Variants in ORMDL3 observed in about 807,000 individuals in gnomAD.
ORMDL3 encodes the protein ORMDL sphingolipid biosynthesis regulator 3.
A neutral mutation model predicts 12.6 loss-of-function variants in ORMDL3; 6 were observed. The observed-to-expected ratio is 0.48, with a 90% CI of 0.26 to 0.94. ORMDL3 has a LOEUF of 0.94. Ranked by LOEUF, ORMDL3 falls within the 40% of genes least tolerant of loss-of-function variation. The pLI is 0.14. For synonymous variants in ORMDL3, 99 were observed against 87.2 expected (o/e 1.14, Z -0.75); for missense variants, 159 against 205.5 (o/e 0.77, Z 1.38).
In ORMDL3 at chr17:39,924,179, C is replaced by A; in HGVS notation, c.25G>T (p.Glu9Ter). The A allele has an allele frequency of 6.2e-7, 1 of 1,609,716 alleles. No homozygotes were observed. The highest frequency in any genetic ancestry group is 8.5e-7 in the Non-Finnish European group (1 of 1,177,604). Reference sequence around the variant, plus strand: ...ATCACCCGCGTGTTGGGGTTCACCTCGCTGTGCGCTGTGCCCACATTCATC... The same window carrying A: ...ATCACCCGCGTGTTGGGGTTCACCTAGCTGTGCGCTGTGCCCACATTCATC... MNVGTAHS[E>*]VNPNTRVMNS... is the part of the protein sequence containing the mutation. Residue 9 changes from glutamate (E) to a stop codon, truncating the protein, a stop_gained, in exon 2 of 4, where the codon GAG becomes TAG. Transcript: ENST00000304046. LOFTEE classifies it high-confidence loss of function.
Position 39,924,126 on chromosome 17 carries a change from G to A in ORMDL3, c.78C>T (p.Tyr26=), listed in dbSNP as rs916219256. Reference sequence around the variant, plus strand: ...TGTGGAGGAGACCGATGGCCAGCACGTAGGAGAGCCAGATGCCACGGCTGT... The same window carrying A: ...TGTGGAGGAGACCGATGGCCAGCACATAGGAGAGCCAGATGCCACGGCTGT... ...VMNSRGIWLS[Y]VLAIGLLHIV... Residue 26 remains tyrosine (Y), a synonymous_variant, in exon 2 of 4, where the codon TAC becomes TAT. Transcript: ENST00000304046. The A allele has an allele frequency of 2.4e-5, 38 of 1,614,040 alleles. 1 individual carries two copies. In the Middle Eastern group the frequency reaches 4.9e-4, roughly 21 times the overall value.
chr17:39,923,071 T>C, intron 3 of ORMDL3, 41 bp downstream of exon 3: 1 of 1,612,280 alleles, frequency 6.2e-7, no homozygotes, highest in Non-Finnish European at 8.5e-7. Flanking sequence ...CTCCAGGCCT[T>C]GCCCTGCCTG....
intron 1 of ORMDL3, chr17:39,926,664 T>A (rs755077343): frequency 5.4e-5 from 30 of 556,566 alleles, no homozygotes; most frequent in Non-Finnish European, 6.2e-5. Context: ...TTCCCCCTCC[T>A]TCCCGCCCCA....
At chr17:39,926,716 T>C (rs1032748190) in intron 1 of ORMDL3, 8 of 891,376 alleles carry the variant, frequency 9.0e-6, no homozygotes, top group Admixed American at 6.2e-5. Flanking sequence ...CCAGCCAGTA[T>C]GCCAGACACT....
intron 1 of ORMDL3, chr17:39,927,081 T>C: frequency 1.1e-6 from 1 of 892,440 alleles, no homozygotes; most frequent in South Asian, 5.1e-5. Flanking sequence ...GTTGGGGTTT[T>C]CTGAGTGAGA....
At chr17:39,926,880 C>G in intron 1 of ORMDL3, 2 of 986,238 alleles carry the variant, frequency 2.0e-6, no homozygotes, top group Non-Finnish European at 2.4e-6. Flanking sequence ...AACGGGGAGT[C>G]CGGGGCAGCA....
Position 39,922,218 on chromosome 17 carries a change from T to C in ORMDL3, c.*332A>G. The C allele has an allele frequency of 4.8e-6, 1 of 207,758 alleles. No homozygotes were observed. The highest frequency in any genetic ancestry group is 9.7e-6 in the Non-Finnish European group (1 of 103,482). 12.9% of individuals were successfully genotyped at this position (207,758 alleles called of 1,614,324 possible). On this transcript the variant is annotated 3_prime_UTR_variant, in exon 4 of 4. Transcript: ENST00000304046. The stretch of plus-strand genomic sequence containing the variant: ...GGGCAAACAAGTGAGCAGGGGTTTT[T>C]CCCCTGGCCTCCTGTCGCAACTGCG...
chr17:39,923,256 T>C lies in ORMDL3; in HGVS notation c.182A>G (p.Tyr61Cys). Residue 61 changes from tyrosine to cysteine, a missense_variant, in exon 3 of 4, where the codon TAT becomes TGT. Transcript: ENST00000304046. ...CCCCTTCACCGTGTGCAGGAAGATATACATGCCCTGGAGGAAGAAGTCTTT... is the reference window on the plus strand; with the variant it reads ...CCCCTTCACCGTGTGCAGGAAGATACACATGCCCTGGAGGAAGAAGTCTTT... Reference protein sequence around the residue: ...LTNLIHNMGMYIFLHTVKGTP... With the variant: ...LTNLIHNMGMCIFLHTVKGTP... 4 of 1,614,100 alleles carry C rather than the reference T, an allele frequency of 2.5e-6. No homozygotes were observed. Among genetic ancestry groups the C allele is most frequent in the Non-Finnish European group, 2.5e-6 (3 of 1,179,980 alleles).
intron 2 of ORMDL3, 105 bp from the exon 3 acceptor site, chr17:39,923,368 C>G: frequency 7.5e-7 from 1 of 1,333,116 alleles, no homozygotes; most frequent in East Asian, 2.3e-5. Flanking sequence ...TCTGGAGCCT[C>G]CCTCTGCTGG....
rs1978304071 is a variant in ORMDL3, at chr17:39,922,565, T to C, written c.447A>G (p.Gly149=). 1 of 1,613,956 alleles carries C rather than the reference T, an allele frequency of 6.2e-7. No homozygotes were observed. Residue 149 remains glycine, a synonymous_variant, in exon 4 of 4, where the codon GGA becomes GGG. Transcript: ENST00000304046. ...LPQLHGVRIF[G]INKY ...GGCTGCACTCTCAGTACTTATTGAT[T>C]CCAAAAATCCGGACTCCGTGGAGCT...
At chr17:39,923,620 T>C (rs1274868910) in intron 2 of ORMDL3, among the ~76,000 whole-genome samples, 2 of 151,742 alleles carry the variant, frequency 1.3e-5, no homozygotes, top group African/African-American at 2.4e-5. Context: ...AGGTAGCAAG[T>C]GGTGAGGGAG....
At position 39,922,516 on chromosome 17, in the gene ORMDL3, C is replaced by A; in HGVS notation, c.*34G>T. 6.2e-7 allele frequency: 1 copy of A among 1,602,426 alleles called. No homozygotes were observed. Among genetic ancestry groups the A allele is most frequent in the Non-Finnish European group, 8.5e-7 (1 of 1,175,296 alleles). On this transcript the variant is annotated 3_prime_UTR_variant, in exon 4 of 4. Transcript: ENST00000304046. ...CACATGCCTTTTACCCTACCCCTCC[C>A]CTGCCACCCTGGGCAGGGGAAGGGG...
chr17:39,922,482 G>A lies in ORMDL3; in HGVS notation c.*68C>T. 3.3e-6 allele frequency: 5 copies of A among 1,528,628 alleles called. No homozygotes were observed. The highest frequency in any genetic ancestry group is 2.7e-6 in the Non-Finnish European group (3 of 1,130,772). 94.7% of individuals were successfully genotyped at this position (1,528,628 alleles called of 1,614,324 possible). Reference sequence around the variant, plus strand: ...CAGAGGCTTCTTCTTTCTGTCTTCAGTGTTGCAGCACATGCCTTTTACCCT... The same window carrying A: ...CAGAGGCTTCTTCTTTCTGTCTTCAATGTTGCAGCACATGCCTTTTACCCT... On this transcript the variant is annotated 3_prime_UTR_variant, in exon 4 of 4. Coordinates refer to ENST00000304046, the MANE Select transcript of ORMDL3 (RefSeq NM_139280.4).
rs1186793623 is a variant in ORMDL3, at chr17:39,922,686, C to G, written c.327-1G>C. The G allele has an allele frequency of 6.2e-7, 1 of 1,612,684 alleles. No homozygotes were observed. The highest frequency in any genetic ancestry group is 8.5e-7 in the Non-Finnish European group (1 of 1,179,020). ...AGTGTAGAAGCTGGTGAGGAAGTAC[C>G]TGGGAGGGGAAGGGTGGGGAGAGAT... On this transcript the variant is annotated splice_acceptor_variant, in intron 3 of 3. Transcript: ENST00000304046. LOFTEE classifies it high-confidence loss of function.
At chr17:39,923,639 G>A (rs1978316670) in intron 2 of ORMDL3, among the ~76,000 whole-genome samples, 1 of 152,140 alleles carries the variant, frequency 6.6e-6, no homozygotes, top group East Asian at 1.9e-4. Flanking sequence ...AGCAGAGAAG[G>A]GCAAAAGTGG....
chr17:39,926,816 C>T (rs1978453536), intron 1 of ORMDL3: 8 of 986,168 alleles, frequency 8.1e-6, no homozygotes, highest in Non-Finnish European at 9.6e-6. Flanking sequence ...CAACAGCAAA[C>T]CTCCTGTCTT....
chr17:39,922,813 G>C (rs757456113), intron 3 of ORMDL3, 128 bp from the exon 4 acceptor site: 2 of 1,258,834 alleles, frequency 1.6e-6, no homozygotes, highest in Non-Finnish European at 2.2e-6. Flanking sequence ...CCAGACCAGC[G>C]TAAGAAGCAA....
intron 1 of ORMDL3, chr17:39,926,898 ATG>A: frequency 1.0e-6 from 1 of 986,174 alleles, no homozygotes. Context: ...GCACGTCACA[ATG>A]CCATGTCCAT....
intron 1 of ORMDL3, chr17:39,926,861 G>A (rs975178744): frequency 4.1e-5 from 40 of 985,972 alleles, no homozygotes; most frequent in Non-Finnish European, 4.8e-5. Flanking sequence ...AGGCCTGGAT[G>A]GGGACCCCAA....
Sources: gnomAD v4.1 joint callset for allele counts (sites outside exome capture counted in the v4.1 genomes callset) on GRCh38, gnomAD v4.1.1 for gene constraint, MANE v1.5 for transcripts, NCBI Gene and HGNC (gene_info 2026-07-23, HGNC 2026-07-21) for gene names.